The following PIK3R1 variants were observed in gnomAD, a reference collection of about 807,000 sequenced individuals.
PIK3R1 encodes the protein phosphatidylinositol 3-kinase regulatory subunit alpha.
In PIK3R1, 29 loss-of-function variants were observed where a neutral mutation model predicts 98.0. The observed-to-expected ratio is 0.30, with a 90% confidence interval of 0.22 to 0.40. PIK3R1 has a LOEUF of 0.40. Ranked by LOEUF, PIK3R1 falls within the 10% of genes least tolerant of loss-of-function variation. PIK3R1 has a pLI of 1.00. For synonymous variants in PIK3R1, 282 were observed against 311.8 expected, an observed-to-expected ratio of 0.90 and a Z score of 1.01; for missense variants, 596 against 872.7, an observed-to-expected ratio of 0.68 and a Z score of 3.99.
chr5:68,237,268 C>A (rs1399483546), intron 2 of PIK3R1, among the ~76,000 whole-genome samples: 2 of 152,174 alleles, frequency 1.3e-5, no homozygotes, highest in Non-Finnish European at 2.9e-5. Flanking sequence ...AATCTGAAGT[C>A]TTGTACCTGA....
chr5:68,279,125 C>T (rs1435255538), intron 4 of PIK3R1, among the ~76,000 whole-genome samples: 2 of 152,136 alleles, frequency 1.3e-5, no homozygotes, highest in African/African-American at 2.4e-5. Context: ...CCTCATTTCC[C>T]CTCCTAGAAG....
intron 7 of PIK3R1, among the ~76,000 whole-genome samples, chr5:68,281,641 A>G (rs1281429279): frequency 6.6e-6 from 1 of 152,170 alleles, no homozygotes; most frequent in Non-Finnish European, 1.5e-5. Flanking sequence ...TTTGCTATAT[A>G]CCAGTTAAAA....
At chr5:68,218,924 G>A (rs1743997027) in intron 1 of PIK3R1, among the ~76,000 whole-genome samples, 1 of 152,148 alleles carries the variant, frequency 6.6e-6, no homozygotes, top group Non-Finnish European at 1.5e-5. Context: ...AATTTTCAAA[G>A]TATTCATATC....
rs757936599 is a variant in PIK3R1 at position 68,300,436 on chromosome 5, G to A, written c.*2835G>A. Reference sequence around the variant, plus strand: ...CCTGATATATGATTTTTATCCATGCGTCAGTTTTTCCCACCCAGTGTAGCA... The same window carrying A: ...CCTGATATATGATTTTTATCCATGCATCAGTTTTTCCCACCCAGTGTAGCA... On this transcript the variant is annotated 3_prime_UTR_variant, in exon 16 of 16. Transcript: ENST00000521381. The A allele has an allele frequency of 4.3e-5, 10 of 232,870 alleles. No individual in the cohort carries two copies. Among genetic ancestry groups the A allele is most frequent in the African/African-American group, 6.6e-5 (3 of 45,306 alleles). The allele number at this position is 232,870 out of a possible 1,614,324, so 14.4% of individuals were successfully genotyped here.
intron 2 of PIK3R1, among the ~76,000 whole-genome samples, chr5:68,251,030 C>T (rs1745286421): frequency 1.3e-5 from 2 of 152,042 alleles, no homozygotes; most frequent in Non-Finnish European, 2.9e-5. Context: ...TTGTAATTCC[C>T]CAAGGGAGAA....
intron 2 of PIK3R1, 124 bp downstream of exon 2, chr5:68,227,133 A>G: frequency 1.3e-6 from 1 of 771,292 alleles, no homozygotes. Context: ...ACCTGAATTG[A>G]TGTGTGGTGC....
Position 68,226,633 on chromosome 5 carries a change from G to C in PIK3R1, c.-43G>C. The stretch of plus-strand genomic sequence containing the variant: ...TAAAAACGTAAAATCAGACTGCTCT[G>C]TACAACCAGGCTCAACTGTTGCATG... On this transcript the variant is annotated 5_prime_UTR_variant, in exon 2 of 16. Coordinates refer to ENST00000521381, the MANE Select transcript of PIK3R1 (RefSeq NM_181523.3). 1 of 1,516,680 alleles carries C rather than the reference G, an allele frequency of 6.6e-7. No individual in the cohort carries two copies. Among genetic ancestry groups the C allele is most frequent in the Non-Finnish European group, 9.1e-7 (1 of 1,096,804 alleles). 94.0% of individuals were successfully genotyped at this position (1,516,680 alleles called of 1,614,324 possible).
chr5:68,220,866 T>A (rs1744068818), intron 1 of PIK3R1, among the ~76,000 whole-genome samples: 1 of 152,206 alleles, frequency 6.6e-6, no homozygotes, highest in Admixed American at 6.5e-5. Flanking sequence ...CACCCTAAAT[T>A]CATCATTTCA....
chr5:68,265,662 G>A (rs79844451), intron 2 of PIK3R1, among the ~76,000 whole-genome samples: 1,897 of 152,188 alleles, frequency 0.012, 40 homozygotes, highest in African/African-American at 0.042. Context: ...ATCACATTGA[G>A]GGTCAGGGCG....
chr5:68,243,289 G>A (rs1035562205), intron 2 of PIK3R1, among the ~76,000 whole-genome samples: 2 of 152,158 alleles, frequency 1.3e-5, no homozygotes, highest in African/African-American at 4.8e-5. Context: ...GTATAATTTT[G>A]ATTAAGAAAA....
intron 7 of PIK3R1, chr5:68,291,568 TATATATGA>T (rs1258149215): frequency 6.6e-6 from 1 of 152,252 alleles, no homozygotes; most frequent in African/African-American, 2.4e-5. Context: ...CACCAATTGG[TATATATGA>T]ATACTGATTT....
intron 2 of PIK3R1, among the ~76,000 whole-genome samples, chr5:68,231,445 A>C (rs998961142): frequency 1.3e-5 from 2 of 152,230 alleles, no homozygotes; most frequent in Non-Finnish European, 1.5e-5. Context: ...ACAGAAAGAA[A>C]AAGGCCACCA....
At chr5:68,225,360 G>C (rs1744233942) in intron 1 of PIK3R1, among the ~76,000 whole-genome samples, 1 of 152,160 alleles carries the variant, frequency 6.6e-6, no homozygotes, top group East Asian at 1.9e-4. Context: ...CACAGACCAG[G>C]GTTTCATCAG....
intron 2 of PIK3R1, among the ~76,000 whole-genome samples, chr5:68,233,922 C>T (rs1744573824): frequency 6.6e-6 from 1 of 152,102 alleles, no homozygotes; most frequent in Non-Finnish European, 1.5e-5. Flanking sequence ...TTGTATTTGT[C>T]TGTCTATCTA....
chr5:68,259,249 A>T (rs1173680396), intron 2 of PIK3R1, among the ~76,000 whole-genome samples: 1 of 152,086 alleles, frequency 6.6e-6, no homozygotes, highest in Non-Finnish European at 1.5e-5. Context: ...TATATTTTGG[A>T]TATGTGGGGT....
At chr5:68,238,034 GA>G (rs1744731406) in intron 2 of PIK3R1, among the ~76,000 whole-genome samples, 1 of 152,208 alleles carries the variant, frequency 6.6e-6, no homozygotes, top group Non-Finnish European at 1.5e-5. Flanking sequence ...TATATTCTGA[GA>G]ATCCTGATCC....
At chr5:68,279,546 C>A in intron 4 of PIK3R1, 56 bp from the exon 5 acceptor site, 1 of 1,410,328 alleles carries the variant, frequency 7.1e-7, no homozygotes, top group Non-Finnish European at 9.9e-7. Flanking sequence ...AAAATTAGCC[C>A]AACTGATGTA....
At chr5:68,291,591 T>C (rs1747397676) in intron 7 of PIK3R1, 1 of 152,202 alleles carries the variant, frequency 6.6e-6, no homozygotes, top group South Asian at 2.1e-4. Context: ...TGATTTGACA[T>C]TGAGGAAGGG....
intron 1 of PIK3R1, among the ~76,000 whole-genome samples, chr5:68,218,614 T>A (rs1035811948): frequency 1.3e-5 from 2 of 152,172 alleles, no homozygotes; most frequent in Non-Finnish European, 2.9e-5. Context: ...AAAAAATTGA[T>A]TTTTATGCTC....
Sources: allele counts gnomAD v4.1 joint callset (sites outside exome capture counted in the v4.1 genomes callset), GRCh38; gene constraint gnomAD v4.1.1; transcripts MANE v1.5; gene names NCBI Gene and HGNC (gene_info 2026-07-23, HGNC 2026-07-21).